KDELR1: variants seen among roughly 807,000 people sequenced by gnomAD.
The protein encoded by KDELR1 is ER lumen protein-retaining receptor 1.
In KDELR1, 16 loss-of-function variants were observed where a neutral mutation model predicts 25.5. The ratio of observed to expected loss-of-function variants is 0.63; its 90% confidence interval spans 0.43 to 0.95. The LOEUF (loss-of-function observed/expected upper bound fraction) is 0.95, where lower values mean the gene tolerates loss of function less well. Among genes scored for constraint, KDELR1 ranks in the 40% least tolerant of loss-of-function variants. The pLI, the probability that KDELR1 is intolerant of heterozygous loss-of-function variation, is 0.00. For synonymous variants in KDELR1, 121 were observed against 115.0 expected, an observed-to-expected ratio of 1.05 and a Z score of -0.33; for missense variants, 159 against 265.2, an observed-to-expected ratio of 0.60 and a Z score of 2.78.
upstream of KDELR1, among the ~76,000 whole-genome samples, chr19:48,396,058 A>T (rs1970635665): frequency 6.6e-6 from 1 of 152,014 alleles, no homozygotes; most frequent in Non-Finnish European, 1.5e-5. Flanking sequence ...CCGTCTGAGG[A>T]AGGCAGGCTG....
intron 1 of KDELR1, 58 bp from the exon 2 acceptor site, chr19:48,390,582 A>ATC (rs1161501571): frequency 1.8e-6 from 2 of 1,109,886 alleles, no homozygotes; most frequent in African/African-American, 3.2e-5. Flanking sequence ...AGAGAGAGAC[A>ATC]GACAGACAGA....
intron 1 of KDELR1, 153 bp from the exon 2 acceptor site, chr19:48,390,677 C>T: frequency 3.3e-6 from 2 of 610,046 alleles, no homozygotes; most frequent in South Asian, 1.9e-5. Flanking sequence ...AGCCTGGAGG[C>T]AGCTCTGGAG....
At chr19:48,393,072 C>A (rs1447516418), upstream of KDELR1, among the ~76,000 whole-genome samples, 1 of 152,138 alleles carries the variant, frequency 6.6e-6, no homozygotes, top group Non-Finnish European at 1.5e-5. The surrounding 1 kb of genome is among the most constrained non-coding windows in gnomAD (Gnocchi z 5.6). Context: ...GCTGGAAGGA[C>A]GGGGTGCCCA....
intron 4 of KDELR1, 62 bp from the exon 5 acceptor site, chr19:48,383,389 T>C: frequency 6.7e-7 from 1 of 1,487,246 alleles, no homozygotes. Context: ...GGGGACAGCC[T>C]CCCACAGCCA....
chr19:48,393,356 C>A (rs1970584677), upstream of KDELR1, among the ~76,000 whole-genome samples: 2 of 152,110 alleles, frequency 1.3e-5, no homozygotes, highest in Admixed American at 6.5e-5. This position sits in a 1 kb window ranked among gnomAD's most constrained non-coding sequence, Gnocchi z 5.6. Context: ...AGGGAAAGGC[C>A]TCCTGTTTCC....
upstream of KDELR1, among the ~76,000 whole-genome samples, chr19:48,396,415 T>G (rs1020377153): frequency 2.6e-5 from 4 of 151,584 alleles, no homozygotes; most frequent in African/African-American, 9.7e-5. Context: ...GCGGGGTCCC[T>G]AAGAGCAGAA....
intron 3 of KDELR1, among the ~76,000 whole-genome samples, chr19:48,388,944 G>GAAAGAAAA (rs1555890281): frequency 9.9e-5 from 15 of 151,244 alleles, no homozygotes; most frequent in Non-Finnish European, 1.3e-4. Flanking sequence ...AAGAAAGAAA[G>GAAAGAAAA]AAAAAAGAAA....
At chr19:48,397,030 G>A in the KDELR1 span, among the ~76,000 whole-genome samples, 1 of 152,146 alleles carries the variant, frequency 6.6e-6, no homozygotes, top group Admixed American at 6.5e-5. Flanking sequence ...AGGGGGCACA[G>A]GAAGAGAGGC....
chr19:48,383,141 C>T lies in KDELR1; in HGVS notation c.*152G>A, dbSNP rs1184547687. The T allele has an allele frequency of 1.0e-5, 8 of 777,686 alleles. No individual in the cohort carries two copies. The highest frequency in any genetic ancestry group is 1.7e-5 in the African/African-American group (1 of 58,318). 48.2% of individuals were successfully genotyped at this position (777,686 alleles called of 1,614,324 possible). A position where few individuals can be genotyped will look rare whatever the true frequency, so the allele number is the denominator to read the frequency against. On this transcript the variant is annotated 3_prime_UTR_variant, in exon 5 of 5. Transcript: ENST00000330720. ...TGAGCTCCCCAAGACCTGGATCCTC[C>T]ACTGTCCCCCTGAAACCCGGCAGGA...
chr19:48,385,275 G>A (rs925736036), intron 3 of KDELR1, among the ~76,000 whole-genome samples: 14 of 152,234 alleles, frequency 9.2e-5, no homozygotes, highest in South Asian at 8.3e-4. Flanking sequence ...TGCCTCCTCC[G>A]TATTCTCCCA....
chr19:48,388,931 G>GTAAA, intron 3 of KDELR1, among the ~76,000 whole-genome samples: 1 of 146,440 alleles, frequency 6.8e-6, no homozygotes, highest in Admixed American at 6.9e-5. Flanking sequence ...AAAGAAAGAA[G>GTAAA]GAAAGAAAGA....
At chr19:48,393,584 G>A (rs1332259695), upstream of KDELR1, among the ~76,000 whole-genome samples, 1 of 152,134 alleles carries the variant, frequency 6.6e-6, no homozygotes, top group Non-Finnish European at 1.5e-5. This position sits in a 1 kb window ranked among gnomAD's most constrained non-coding sequence, Gnocchi z 5.6. Flanking sequence ...CCCAAGCCTG[G>A]CAGGAGAAGG....
At chr19:48,383,874 A>G (rs1970474722) in intron 4 of KDELR1, among the ~76,000 whole-genome samples, 2 of 152,284 alleles carry the variant, frequency 1.3e-5, no homozygotes, top group African/African-American at 4.8e-5. Context: ...GCCTTTGTCT[A>G]TCTTTTCTCC....
intron 1 of KDELR1, chr19:48,390,983 A>C: frequency 3.9e-6 from 2 of 511,676 alleles, no homozygotes; most frequent in South Asian, 2.1e-5. Flanking sequence ...CCCGCCTGCC[A>C]TGGTTCCCTG....
rs68111834 is a variant in KDELR1 at position 48,384,890 on chromosome 19, C to CTTT, written c.352-411_352-409dup. On this transcript the variant is annotated intron_variant, in intron 3 of 4. Coordinates refer to ENST00000330720, the MANE Select transcript of KDELR1 (RefSeq NM_006801.3). This position sits in a 1 kb window ranked among gnomAD's most constrained non-coding sequence, Gnocchi z 4.6. ...GAAATTTCCCTTCCTTTTTCTTTTT[C>CTTT]TTTTTTTTTTTTTTGAGATGGAGTA... 7.1e-6 allele frequency among the ~76,000 whole-genome samples: 1 copy of CTTT among 140,258 alleles called. No individual in the cohort carries two copies. The highest frequency in any genetic ancestry group is 1.5e-5 in the Non-Finnish European group (1 of 65,174). 92.0% of individuals were successfully genotyped at this position (140,258 alleles called of 152,430 possible).
chr19:48,394,417 G>A (rs953598122), upstream of KDELR1, among the ~76,000 whole-genome samples: 1 of 144,630 alleles, frequency 6.9e-6, no homozygotes, highest in African/African-American at 2.5e-5. This position sits in a 1 kb window ranked among gnomAD's most constrained non-coding sequence, Gnocchi z 5.1. Flanking sequence ...AGCTTCAGAG[G>A]TGACCCAGAC....
the KDELR1 span, among the ~76,000 whole-genome samples, chr19:48,396,945 C>G: frequency 6.6e-6 from 1 of 152,146 alleles, no homozygotes; most frequent in African/African-American, 2.4e-5. Context: ...CTCCCAGTGC[C>G]CTCCTCCCTC....
In KDELR1 at chr19:48,384,751, T is replaced by C. The variant is rs1200422242; in HGVS notation, c.352-269A>G. 6.6e-6 allele frequency among the ~76,000 whole-genome samples: 1 copy of C among 152,094 alleles called. No homozygotes were observed. Among genetic ancestry groups the C allele is most frequent in the South Asian group, 2.1e-4 (1 of 4,826 alleles). On this transcript the variant is annotated intron_variant, in intron 3 of 4. Transcript: ENST00000330720. This position sits in a 1 kb window ranked among gnomAD's most constrained non-coding sequence, Gnocchi z 4.6. ...AAGGTAAGATACTCGCCCAAGACCA[T>C]GTAGCCAGCAAGCAGCAGAGCAATG...
upstream of KDELR1, among the ~76,000 whole-genome samples, chr19:48,396,372 G>A (rs1970640251): frequency 6.6e-6 from 1 of 151,904 alleles, no homozygotes; most frequent in South Asian, 2.1e-4. Context: ...GGGGCCGGGG[G>A]CTGCCCTCCT....
Sources: allele counts gnomAD v4.1 joint callset (sites outside exome capture counted in the v4.1 genomes callset), GRCh38; gene constraint gnomAD v4.1.1; non-coding constraint Gnocchi (gnomAD v3.1); transcripts MANE v1.5; gene names NCBI Gene and HGNC (gene_info 2026-07-23, HGNC 2026-07-21).